Variants in CXCL13 observed in about 807,000 individuals in gnomAD.
CXCL13 encodes C-X-C motif chemokine 13.
A neutral mutation model predicts 12.2 loss-of-function variants in CXCL13; 7 were observed. The observed-to-expected ratio is 0.57, with a 90% CI of 0.33 to 1.07. The LOEUF (loss-of-function observed/expected upper bound fraction) is 1.07. Among genes scored for constraint, CXCL13 ranks in the 50% least tolerant of loss-of-function variants. The pLI is 0.04. For missense variants in CXCL13, 113 were observed against 127.4 expected (o/e 0.89, Z 0.55); for synonymous variants, 47 against 42.4 (o/e 1.11, Z -0.42).
chr4:77,606,155 G>A (rs2270857), intron 1 of CXCL13, among the ~76,000 whole-genome samples: 1 of 152,044 alleles, frequency 6.6e-6, no homozygotes. Flanking sequence ...GATACCACAA[G>A]TCCAATATTC....
chr4:77,574,197 A>G (rs1726156362), intron 1 of CXCL13, among the ~76,000 whole-genome samples: 1 of 151,772 alleles, frequency 6.6e-6, no homozygotes, highest in Non-Finnish European at 1.5e-5. Flanking sequence ...TTTTCTTTTC[A>G]GTCAACTGGA....
intron 1 of CXCL13, among the ~76,000 whole-genome samples, chr4:77,529,860 C>T (rs1666663600): frequency 1.3e-5 from 2 of 152,110 alleles, no homozygotes; most frequent in African/African-American, 4.8e-5. Context: ...TGCCAGTTTT[C>T]AAAGGGAATG....
At chr4:77,568,074 A>G (rs1047618572) in intron 1 of CXCL13, among the ~76,000 whole-genome samples, 7 of 152,172 alleles carry the variant, frequency 4.6e-5, no homozygotes, top group African/African-American at 1.2e-4. Context: ...CTGAACCCCA[A>G]TTCTGGAGTT....
rs557573442 is a variant in CXCL13, at chr4:77,573,830, T to C, written c.-42-31994T>C. Among the ~76,000 whole-genome samples the C allele has an allele frequency of 6.6e-5, 10 of 152,040 alleles. 1 individual carries two copies. The highest frequency in any genetic ancestry group is 2.4e-4 in the African/African-American group (10 of 41,308). On this transcript the variant is annotated intron_variant, in intron 1 of 4. Coordinates refer to the CXCL13 transcript ENST00000286758. ...GACTTTTACAATTTATTTATTCTTT[T>C]CCCCTCCATGGATAGCTTCTGATTT... is the stretch of plus-strand genomic sequence containing the variant.
intron 1 of CXCL13, among the ~76,000 whole-genome samples, chr4:77,517,672 C>T (rs773068449): frequency 2.0e-5 from 3 of 152,184 alleles, no homozygotes; most frequent in Non-Finnish European, 4.4e-5. Context: ...AGATCTTCCT[C>T]CATCCCTTTA....
At chr4:77,550,500 T>C (rs1458393160) in intron 1 of CXCL13, among the ~76,000 whole-genome samples, 2 of 152,152 alleles carry the variant, frequency 1.3e-5, no homozygotes, top group East Asian at 1.9e-4. Flanking sequence ...AATCCCAATT[T>C]CCCTTTTTTT....
rs1027997991 is a variant in CXCL13 at position 77,520,225 on chromosome 4, A to G, written c.-43+8437A>G. Among the ~76,000 whole-genome samples, 50 of 152,138 alleles carry G rather than the reference A, an allele frequency of 3.3e-4. 1 individual carries two copies. The highest frequency in any genetic ancestry group is 6.3e-4 in the Non-Finnish European group (43 of 68,010). On this transcript the variant is annotated intron_variant, in intron 1 of 4. Coordinates refer to the CXCL13 transcript ENST00000286758. ...TCTTTTTTGGTTCCATATGAACTTT[A>G]AAGTAGTTTTTTCCAATTCTGTGAA...
rs1725999728 is a variant in CXCL13 at position 77,568,853 on chromosome 4, C to T, written c.-42-36971C>T. 3.9e-5 allele frequency among the ~76,000 whole-genome samples: 6 copies of T among 152,160 alleles called. No homozygotes were observed. In the South Asian group the frequency reaches 1.2e-3, roughly 32 times the overall value. On this transcript the variant is annotated intron_variant, in intron 1 of 4. Transcript: ENST00000286758. ...AGTTTTGCCTTTCCTTGTTTTCTAC[C>T]CTAAAGTTTTCATTTTTCTGTAACA...
At chr4:77,567,625 G>A (rs1725970377) in intron 1 of CXCL13, among the ~76,000 whole-genome samples, 1 of 152,096 alleles carries the variant, frequency 6.6e-6, no homozygotes, top group Non-Finnish European at 1.5e-5. Flanking sequence ...AAAAAAAGCT[G>A]GCCAAAACCC....
chr4:77,514,894 T>G (rs1283454079), intron 1 of CXCL13, among the ~76,000 whole-genome samples: 7 of 152,246 alleles, frequency 4.6e-5, no homozygotes, highest in African/African-American at 1.7e-4. Context: ...GCCTATGTCC[T>G]GAATGGTAAT....
chr4:77,602,856 A>G (rs904233641), upstream of CXCL13, among the ~76,000 whole-genome samples: 4 of 152,252 alleles, frequency 2.6e-5, no homozygotes, highest in Middle Eastern at 3.4e-3. Flanking sequence ...TACCTCTACC[A>G]TAAGATATCA....
intron 1 of CXCL13, among the ~76,000 whole-genome samples, chr4:77,522,195 G>T (rs1452928112): frequency 6.6e-6 from 1 of 152,124 alleles, no homozygotes; most frequent in Non-Finnish European, 1.5e-5. Flanking sequence ...TGTTGATTTG[G>T]GGTGGAGAGT....
intron 1 of CXCL13, among the ~76,000 whole-genome samples, chr4:77,537,694 T>C (rs1725092749): frequency 6.6e-6 from 1 of 152,168 alleles, no homozygotes; most frequent in South Asian, 2.1e-4. Flanking sequence ...TGTCCCAGCA[T>C]CCATTTGAGG....
intron 1 of CXCL13, among the ~76,000 whole-genome samples, chr4:77,546,266 A>T (rs545290944): frequency 1.3e-5 from 2 of 152,204 alleles, no homozygotes; most frequent in African/African-American, 4.8e-5. Flanking sequence ...GCCTCATAAA[A>T]TGAGTTAAGG....
chr4:77,524,716 G>A (rs1388034408), intron 1 of CXCL13, among the ~76,000 whole-genome samples: 1 of 152,056 alleles, frequency 6.6e-6, no homozygotes, highest in Non-Finnish European at 1.5e-5. Flanking sequence ...CTCACCCTCT[G>A]TGGGCTGCAT....
intron 1 of CXCL13, among the ~76,000 whole-genome samples, chr4:77,557,607 A>G (rs1220203326): frequency 1.3e-5 from 2 of 152,170 alleles, no homozygotes; most frequent in African/African-American, 4.8e-5. Context: ...TTGCATTAAG[A>G]TAATTGCCAT....
chr4:77,578,012 C>T (rs541934607), intron 1 of CXCL13, among the ~76,000 whole-genome samples: 1 of 152,252 alleles, frequency 6.6e-6, no homozygotes, highest in Admixed American at 6.5e-5. Flanking sequence ...ACTGGGAAAA[C>T]TCAATTTCCC....
intron 1 of CXCL13, among the ~76,000 whole-genome samples, chr4:77,517,337 G>A (rs1449777952): frequency 6.6e-6 from 1 of 152,182 alleles, no homozygotes; most frequent in Admixed American, 6.5e-5. Context: ...TTGGTGCAGA[G>A]CTGAGTTCAA....
chr4:77,559,607 G>A (rs1386816225), intron 1 of CXCL13, among the ~76,000 whole-genome samples: 1 of 151,960 alleles, frequency 6.6e-6, no homozygotes, highest in Non-Finnish European at 1.5e-5. Context: ...GTGTGTGTGT[G>A]TGTGATTGAA....
Sources: gnomAD v4.1 joint callset for allele counts (sites outside exome capture counted in the v4.1 genomes callset) on GRCh38, gnomAD v4.1.1 for gene constraint, MANE v1.5 for transcripts, NCBI Gene and HGNC (gene_info 2026-07-23, HGNC 2026-07-21) for gene names.